The following MGST1 variants were observed in gnomAD, a reference collection of about 807,000 sequenced individuals.
MGST1 encodes microsomal glutathione S-transferase 1.
Under a neutral mutation model 8.9 loss-of-function variants are expected in MGST1, and 5 were observed. The observed-to-expected ratio is 0.56, with a 90% CI of 0.29 to 1.19. The LOEUF (loss-of-function observed/expected upper bound fraction) is 1.19. MGST1 is among the 50% of genes most tolerant of loss of function. The probability of loss-of-function intolerance (pLI) is 0.08; values close to 1 mark genes in which losing one functional copy is unlikely to be tolerated. For synonymous variants in MGST1, 54 were observed against 67.8 expected, an observed-to-expected ratio of 0.80 and a Z score of 1.00; for missense variants, 182 against 187.4, an observed-to-expected ratio of 0.97 and a Z score of 0.17.
chr12:16,512,021 C>T (rs568671075), intron 4 of MGST1, among the ~76,000 whole-genome samples: 25 of 152,170 alleles, frequency 1.6e-4, no homozygotes, highest in African/African-American at 6.0e-4. Context: ...ACAATTAGAG[C>T]TAGTTGGATT....
intron 4 of MGST1, among the ~76,000 whole-genome samples, chr12:16,525,211 T>C (rs571582723): frequency 6.6e-6 from 1 of 151,604 alleles, no homozygotes; most frequent in Admixed American, 6.6e-5. Context: ...TAGTTACATA[T>C]GTATACATGT....
At chr12:16,399,997 T>C (rs1940640719) in intron 1 of MGST1, 1 of 1,476,066 alleles carries the variant, frequency 6.8e-7, no homozygotes, top group Admixed American at 1.7e-5. Context: ...GGTACTCCTG[T>C]AGGGAGCTCT....
chr12:16,518,950 G>A (rs141197534), intron 4 of MGST1, among the ~76,000 whole-genome samples: 73 of 152,224 alleles, frequency 4.8e-4, no homozygotes, highest in East Asian at 3.5e-3. Context: ...GCTTCTAATC[G>A]GGTAGATAAG....
intron 4 of MGST1, among the ~76,000 whole-genome samples, chr12:16,496,717 A>G (rs998541613): frequency 2.0e-5 from 3 of 152,120 alleles, no homozygotes; most frequent in African/African-American, 7.2e-5. Flanking sequence ...TACAAGTGGG[A>G]ACATGCGGTA....
intron 4 of MGST1, among the ~76,000 whole-genome samples, chr12:16,579,347 A>G (rs1943090603): frequency 6.6e-6 from 1 of 152,228 alleles, no homozygotes; most frequent in Admixed American, 6.5e-5. Context: ...GTCTTTGGTG[A>G]GCCTCAGAAA....
At chr12:16,348,098 A>G (rs1463066451) in intron 1 of MGST1, among the ~76,000 whole-genome samples, 1 of 152,204 alleles carries the variant, frequency 6.6e-6, no homozygotes. Flanking sequence ...GTTCTCCCCA[A>G]GAGTGCAAAA....
chr12:16,534,522 C>T (rs139086648), intron 4 of MGST1, among the ~76,000 whole-genome samples: 50 of 152,162 alleles, frequency 3.3e-4, no homozygotes, highest in African/African-American at 1.1e-3. Flanking sequence ...ACATGAAACA[C>T]GGGGCTAAAT....
At chr12:16,564,407 A>G (rs1214500376) in intron 4 of MGST1, among the ~76,000 whole-genome samples, 1 of 152,224 alleles carries the variant, frequency 6.6e-6, no homozygotes, top group African/African-American at 2.4e-5. Flanking sequence ...CCATAAAGCA[A>G]GCAAACTCTT....
chr12:16,424,380 T>C (rs1230944475), intron 1 of MGST1, among the ~76,000 whole-genome samples: 1 of 152,226 alleles, frequency 6.6e-6, no homozygotes, highest in East Asian at 1.9e-4. Flanking sequence ...TGCATCACTT[T>C]ACAAAAAATT....
rs138039741 is a variant in MGST1 at position 16,575,938 on chromosome 12, G to A, written n.483-13590G>A. Among the ~76,000 whole-genome samples the A allele has an allele frequency of 1.1e-3, 161 of 152,088 alleles. 1 individual carries two copies. Among genetic ancestry groups the A allele is most frequent in the African/African-American group, 3.6e-3 (151 of 41,470 alleles). The stretch of plus-strand genomic sequence containing the variant: ...TTCAATGCACGTAGAAATGAATGTC[G>A]GAACATTTGCAAGTCCCTCGAGCCA... On this transcript the variant is annotated intron_variant and non_coding_transcript_variant, in intron 4 of 4. Coordinates refer to the MGST1 transcript ENST00000538857.
chr12:16,349,338 T>C lies in MGST1; in HGVS notation c.-23+1628T>C, dbSNP rs903032016. On this transcript the variant is annotated intron_variant, in intron 1 of 3. Coordinates refer to ENST00000396210, the MANE Select transcript of MGST1 (RefSeq NM_020300.5). Reference sequence around the variant, plus strand: ...GAAAGGGCGTTCCTCAACTGAGAAGTGAAGATTCTTCTCTGCTAGATAGTA... The same window carrying C: ...GAAAGGGCGTTCCTCAACTGAGAAGCGAAGATTCTTCTCTGCTAGATAGTA... 9.2e-5 allele frequency among the ~76,000 whole-genome samples: 14 copies of C among 151,376 alleles called. No individual in the cohort carries two copies. In the East Asian group the frequency reaches 2.7e-3, roughly 29 times the overall value.
At chr12:16,406,370 T>C (rs1255903381) in intron 1 of MGST1, among the ~76,000 whole-genome samples, 1 of 152,130 alleles carries the variant, frequency 6.6e-6, no homozygotes, top group African/African-American at 2.4e-5. Context: ...GTGAAAGATG[T>C]CTACAATGAG....
rs181583979 is a variant in MGST1, at chr12:16,537,100, A to G, written n.483-52428A>G. Among the ~76,000 whole-genome samples, 1 of 152,334 alleles carries G rather than the reference A, an allele frequency of 6.6e-6. No homozygotes were observed. The highest frequency in any genetic ancestry group is 2.4e-5 in the African/African-American group (1 of 41,582). ...GTCAAAAGCAAGTTAGTTACTTCCT[A>G]GATACAACGGGGATACAGGTATTGG... On this transcript the variant is annotated intron_variant and non_coding_transcript_variant, in intron 4 of 4. Coordinates refer to the MGST1 transcript ENST00000538857. This position sits in a 1 kb window ranked among gnomAD's most constrained non-coding sequence, Gnocchi z 4.6.
rs1221402065 is a variant in MGST1, at chr12:16,361,922, C to T, written c.222-1873C>T. Among the ~76,000 whole-genome samples, 1 of 152,180 alleles carries T rather than the reference C, an allele frequency of 6.6e-6. No homozygotes were observed. Among genetic ancestry groups the T allele is most frequent in the African/African-American group, 2.4e-5 (1 of 41,438 alleles). On this transcript the variant is annotated intron_variant, in intron 3 of 3. Transcript: ENST00000396210. This position sits in a 1 kb window ranked among gnomAD's most constrained non-coding sequence, Gnocchi z 4.2. ...CCTTGACCTTCCTTCCCTCTACCCT[C>T]ATGGTCCTCTTACTGTCCTTGACTT...
chr12:16,378,678 G>T (rs1940418267), downstream of MGST1, among the ~76,000 whole-genome samples: 1 of 147,470 alleles, frequency 6.8e-6, no homozygotes, highest in Admixed American at 6.8e-5. Flanking sequence ...TTCCAATTCT[G>T]TGAAGAAAGG....
chr12:16,485,118 C>A (rs1349267186), intron 4 of MGST1, among the ~76,000 whole-genome samples: 12 of 152,198 alleles, frequency 7.9e-5, no homozygotes, highest in Admixed American at 7.9e-4. Context: ...TGACCACCTT[C>A]CCCCTCTTAA....
At chr12:16,390,350 A>T (rs1940540928) in intron 1 of MGST1, among the ~76,000 whole-genome samples, 1 of 152,218 alleles carries the variant, frequency 6.6e-6, no homozygotes, top group Non-Finnish European at 1.5e-5. Flanking sequence ...TATATAGGCA[A>T]ACTCATGTCT....
chr12:16,553,867 G>GA (rs75193044), intron 4 of MGST1, among the ~76,000 whole-genome samples: 1,826 of 132,634 alleles, frequency 0.014, 32 homozygotes, highest in African/African-American at 0.043. Flanking sequence ...GCATTTGCAG[G>GA]AAAAAAAAAA....
In MGST1 at chr12:16,513,670, C is replaced by CT. The variant is rs1565467331; in HGVS notation, n.483-75857dup. The CT allele has an allele frequency of 3.1e-5, 16 of 517,616 alleles. No homozygotes were observed. The African/African-American group carries it at 3.1e-4, about 10-fold the overall frequency. 32.1% of individuals were successfully genotyped at this position (517,616 alleles called of 1,614,324 possible). A position where few individuals can be genotyped will look rare whatever the true frequency, so the allele number is the denominator to read the frequency against. The stretch of plus-strand genomic sequence containing the variant: ...AGCCAAAAATTTGGACGAGGACTAC[C>CT]TCTCCATTGGGCGGCTGGCTGAATT... On this transcript the variant is annotated intron_variant and non_coding_transcript_variant, in intron 4 of 4. Transcript: ENST00000538857. This position sits in a 1 kb window ranked among gnomAD's most constrained non-coding sequence, Gnocchi z 4.2.
Sources: gnomAD v4.1 joint callset for allele counts (sites outside exome capture counted in the v4.1 genomes callset) on GRCh38, gnomAD v4.1.1 for gene constraint, Gnocchi (gnomAD v3.1) non-coding constraint, MANE v1.5 for transcripts, NCBI Gene and HGNC (gene_info 2026-07-23, HGNC 2026-07-21) for gene names.